ARL14EPL: variants seen among roughly 807,000 people sequenced by gnomAD.
ARL14EPL encodes the protein ARF like GTPase 14 effector protein like, also known as ARL14 effector protein-like.
A neutral mutation model predicts 15.9 loss-of-function variants in ARL14EPL; 17 were observed. The observed-to-expected ratio is 1.07, with a 90% CI of 0.73 to 1.60. The LOEUF (loss-of-function observed/expected upper bound fraction) is 1.60. ARL14EPL is among the 40% of genes most tolerant of loss of function. The probability of loss-of-function intolerance (pLI) is 0.00; values close to 1 mark genes in which losing one functional copy is unlikely to be tolerated. For synonymous variants in ARL14EPL, 78 were observed against 63.8 expected (o/e 1.22, Z -1.06); for missense variants, 214 against 185.9 (o/e 1.15, Z -0.88).
intron 1 of ARL14EPL, among the ~76,000 whole-genome samples, chr5:116,049,838 T>C (rs2560707): frequency 0.76 from 115,028 of 152,130 alleles, 44,058 homozygotes; most frequent in Middle Eastern, 0.84. Context: ...ACAGTTATTA[T>C]AAATTACATT....
At position 116,045,175 on chromosome 5, in the gene ARL14EPL, G is replaced by T. The variant is rs1437483624; in HGVS notation, c.-9-6282G>T. 2.0e-5 allele frequency among the ~76,000 whole-genome samples: 3 copies of T among 152,174 alleles called. No individual in the cohort carries two copies. In the East Asian group the frequency reaches 5.8e-4, roughly 29 times the overall value. On this transcript the variant is annotated intron_variant, in intron 1 of 3. Coordinates refer to ENST00000686077, the MANE Select transcript of ARL14EPL (RefSeq NM_001195581.2). Reference sequence around the variant, plus strand: ...TGCTATATTCGTGTGTTATGCTTAAGAGTGAAAGATAATTGGAGTTCCTTT... The same window carrying T: ...TGCTATATTCGTGTGTTATGCTTAATAGTGAAAGATAATTGGAGTTCCTTT...
chr5:116,046,115 G>A (rs1749262829), intron 1 of ARL14EPL, among the ~76,000 whole-genome samples: 2 of 152,144 alleles, frequency 1.3e-5, no homozygotes, highest in Non-Finnish European at 2.9e-5. Flanking sequence ...AGCAAGTATA[G>A]GAACTCAGAC....
In ARL14EPL at chr5:116,051,495, C is replaced by T. The variant is rs116483389; in HGVS notation, c.30C>T (p.Ser10=). The change falls in exon 2 of 4, where the codon TCC becomes TCT. Residue 10 remains serine, a synonymous_variant. Transcript: ENST00000686077. ...ATGAACAATCAGAGAAAAACAATTC[C>T]ATTCAAGAGAGACACACAGATCATA... MNEQSEKNN[S]IQERHTDHSF... 1.3e-3 allele frequency: 2,069 copies of T among 1,535,462 alleles called. 18 individuals carry two copies. The African/African-American group carries it at 0.026, about 20-fold the overall frequency.
chr5:116,045,744 A>AAG (rs200890185), intron 1 of ARL14EPL, among the ~76,000 whole-genome samples: 76 of 105,992 alleles, frequency 7.2e-4, no homozygotes, highest in African/African-American at 2.9e-3. Context: ...AGACCCACAG[A>AAG]AGTGTGTGTG....
At chr5:116,054,713 C>G (rs1311478977) in intron 3 of ARL14EPL, among the ~76,000 whole-genome samples, 1 of 152,084 alleles carries the variant, frequency 6.6e-6, no homozygotes, top group Non-Finnish European at 1.5e-5. Flanking sequence ...CGCCTGTAGT[C>G]CCAGCTACTT....
intron 1 of ARL14EPL, among the ~76,000 whole-genome samples, chr5:116,049,065 A>G (rs2112675503): frequency 6.6e-6 from 1 of 152,334 alleles, no homozygotes; most frequent in Admixed American, 6.5e-5. Context: ...CCCATGGCAA[A>G]TCAAGGAGCA....
intron 1 of ARL14EPL, among the ~76,000 whole-genome samples, chr5:116,033,992 A>T (rs1477120557): frequency 1.3e-5 from 2 of 152,156 alleles, no homozygotes; most frequent in Admixed American, 6.5e-5. Flanking sequence ...CCAAGCAATG[A>T]GATGAGGCTG....
At chr5:116,049,843 T>A in intron 1 of ARL14EPL, among the ~76,000 whole-genome samples, 1 of 152,176 alleles carries the variant, frequency 6.6e-6, no homozygotes, top group East Asian at 1.9e-4. Context: ...TATTATAAAT[T>A]ACATTTTTTC....
intron 1 of ARL14EPL, among the ~76,000 whole-genome samples, chr5:116,040,759 G>T (rs574930978): frequency 6.0e-5 from 9 of 149,488 alleles, no homozygotes; most frequent in Non-Finnish European, 1.3e-4. Flanking sequence ...GGATCACGAG[G>T]TCATATCGAG....
At chr5:116,037,545 A>T (rs1185975621) in intron 1 of ARL14EPL, among the ~76,000 whole-genome samples, 2 of 143,006 alleles carry the variant, frequency 1.4e-5, no homozygotes, top group Non-Finnish European at 3.0e-5. Flanking sequence ...CATGCCCTTC[A>T]CATGGCATTC....
At chr5:116,046,120 T>C (rs979924309) in intron 1 of ARL14EPL, among the ~76,000 whole-genome samples, 6 of 152,176 alleles carry the variant, frequency 3.9e-5, no homozygotes, top group Admixed American at 6.6e-5. Context: ...GTATAGGAAC[T>C]CAGACTAGAG....
intron 2 of ARL14EPL, 85 bp from the exon 3 acceptor site, chr5:116,053,929 A>G (rs954763): frequency 1.7e-6 from 2 of 1,159,926 alleles, no homozygotes; most frequent in Non-Finnish European, 2.4e-6. Flanking sequence ...TTTATGGTGA[A>G]AGTTACAGAA....
intron 3 of ARL14EPL, among the ~76,000 whole-genome samples, chr5:116,058,032 G>A (rs2662481): frequency 0.64 from 97,172 of 152,040 alleles, 33,317 homozygotes; most frequent in Non-Finnish European, 0.79. Context: ...TGTAGAGGCT[G>A]ACAGAGACAG....
At chr5:116,052,390 G>A (rs1191171600) in intron 2 of ARL14EPL, 6 of 710,860 alleles carry the variant, frequency 8.4e-6, no homozygotes, top group Non-Finnish European at 1.5e-5. Context: ...TTATTATTAT[G>A]TCACGTTATG....
intron 1 of ARL14EPL, among the ~76,000 whole-genome samples, chr5:116,035,753 G>A (rs1239910025): frequency 6.6e-6 from 1 of 152,192 alleles, no homozygotes; most frequent in Non-Finnish European, 1.5e-5. Flanking sequence ...AAACTCAGAG[G>A]AAAGCCCCTT....
intron 3 of ARL14EPL, 92 bp from the exon 4 acceptor site, chr5:116,058,633 G>A (rs760716679): frequency 8.2e-7 from 1 of 1,215,786 alleles, no homozygotes; most frequent in Non-Finnish European, 1.2e-6. Context: ...AGGGTAAAAT[G>A]GTCATGTGTA....
At chr5:116,052,278 G>A (rs1334242875) in intron 2 of ARL14EPL, 2 of 1,516,880 alleles carry the variant, frequency 1.3e-6, no homozygotes, top group Non-Finnish European at 1.8e-6. Flanking sequence ...TCGTCCTTGG[G>A]CGGCATTGCG....
At chr5:116,058,019 TG>T (rs1345212481) in intron 3 of ARL14EPL, among the ~76,000 whole-genome samples, 1 of 152,198 alleles carries the variant, frequency 6.6e-6, no homozygotes, top group Non-Finnish European at 1.5e-5. Context: ...TCCCTGGCCA[TG>T]TTGTAGAGGC....
chr5:116,058,704 T>G (rs754725743), intron 3 of ARL14EPL, 21 bp from the exon 4 acceptor site: 30 of 1,529,472 alleles, frequency 2.0e-5, no homozygotes, highest in Non-Finnish European at 2.4e-5. Flanking sequence ...GTCATCTTAA[T>G]GTCATGCTTT....
Sources: allele counts gnomAD v4.1 joint callset (sites outside exome capture counted in the v4.1 genomes callset), GRCh38; gene constraint gnomAD v4.1.1; transcripts MANE v1.5; gene names NCBI Gene and HGNC (gene_info 2026-07-23, HGNC 2026-07-21).